Variants in PTPRD observed in about 807,000 individuals in gnomAD.
PTPRD encodes the protein protein tyrosine phosphatase receptor type D.
PTPRD carries 34 observed loss-of-function variants against 214.5 expected under a neutral mutation model. The ratio of observed to expected loss-of-function variants is 0.16; its 90% confidence interval spans 0.12 to 0.21. The LOEUF is 0.21. Ranked by LOEUF, PTPRD falls within the 10% of genes least tolerant of loss-of-function variation. The pLI is 1.00. For synonymous variants in PTPRD, 1,128 were observed against 845.7 expected (o/e 1.33, Z -5.79); for missense variants, 2,545 against 2,398.7 (o/e 1.06, Z -1.27).
intron 10 of PTPRD, among the ~76,000 whole-genome samples, chr9:9,158,171 G>C (rs2099882974): frequency 6.6e-6 from 1 of 152,126 alleles, no homozygotes; most frequent in African/African-American, 2.4e-5. Context: ...TAGTGCTGCA[G>C]TGAACATACA....
chr9:9,403,810 T>A (rs888311471), intron 8 of PTPRD, among the ~76,000 whole-genome samples: 4 of 152,106 alleles, frequency 2.6e-5, no homozygotes, highest in Admixed American at 2.6e-4. Context: ...CTACTTACAT[T>A]ATTGTGGCAT....
At chr9:9,631,020 A>G (rs2154359452) in intron 7 of PTPRD, among the ~76,000 whole-genome samples, 2 of 152,224 alleles carry the variant, frequency 1.3e-5, no homozygotes, top group Admixed American at 1.3e-4. Context: ...GCAGTCAACT[A>G]TAAAGAGGTA....
chr9:9,280,496 G>T (rs1394654430), intron 9 of PTPRD, among the ~76,000 whole-genome samples: 1 of 151,138 alleles, frequency 6.6e-6, no homozygotes, highest in African/African-American at 2.4e-5. Context: ...TGAAAAAGTG[G>T]AATTTGAGAT....
intron 7 of PTPRD, among the ~76,000 whole-genome samples, chr9:9,722,820 C>A (rs1478576845): frequency 2.6e-5 from 4 of 152,024 alleles, no homozygotes; most frequent in Admixed American, 6.6e-5. Context: ...TAGTGATTTT[C>A]ATATGCTTTT....
chr9:9,769,513 A>G (rs1309452952), intron 5 of PTPRD, among the ~76,000 whole-genome samples: 1 of 151,654 alleles, frequency 6.6e-6, no homozygotes, highest in Non-Finnish European at 1.5e-5. Flanking sequence ...TTTTTAGTAG[A>G]GACGAGGTTT....
intron 7 of PTPRD, among the ~76,000 whole-genome samples, chr9:9,658,692 G>C (rs866188455): frequency 2.0e-5 from 3 of 152,160 alleles, no homozygotes; most frequent in Admixed American, 2.0e-4. Flanking sequence ...GAGTCATTAA[G>C]TAGCTTAAGA....
chr9:9,961,126 C>CT (rs2094334482), intron 4 of PTPRD, among the ~76,000 whole-genome samples: 3 of 152,092 alleles, frequency 2.0e-5, no homozygotes. Flanking sequence ...AAATGAATTA[C>CT]TGATATCACT....
chr9:8,920,949 G>C (rs1463967682), intron 11 of PTPRD, among the ~76,000 whole-genome samples: 1 of 152,162 alleles, frequency 6.6e-6, no homozygotes, highest in Non-Finnish European at 1.5e-5. Context: ...GCGTAGCTGG[G>C]ATTACAGACG....
chr9:8,881,468 A>C (rs2098445368), intron 11 of PTPRD, among the ~76,000 whole-genome samples: 1 of 152,214 alleles, frequency 6.6e-6, no homozygotes. Flanking sequence ...GATTTCTGTA[A>C]ATAATTACAA....
intron 12 of PTPRD, among the ~76,000 whole-genome samples, chr9:8,683,425 A>G (rs1463286106): frequency 6.6e-6 from 1 of 151,432 alleles, no homozygotes; most frequent in African/African-American, 2.4e-5. Flanking sequence ...TGAGAGAGAG[A>G]GAAAAGGAAA....
At chr9:9,595,652 A>C (rs145877324) in intron 7 of PTPRD, among the ~76,000 whole-genome samples, 1 of 151,820 alleles carries the variant, frequency 6.6e-6, no homozygotes, top group African/African-American at 2.4e-5. Context: ...CGCAACCTCA[A>C]TGAGATTGCA....
In PTPRD at chr9:10,449,192, G is replaced by A. The variant is rs926475347; in HGVS notation, c.-599-108175C>T. ...GTGCCTGGGATTGCGGGCGGGTGCC[G>A]CCACGCCTGACTGGTTTTTGTATTT... is the stretch of plus-strand genomic sequence containing the variant. On this transcript the variant is annotated intron_variant, in intron 2 of 45. Coordinates refer to ENST00000381196, the MANE Select transcript of PTPRD (RefSeq NM_002839.4). 1.2e-4 allele frequency among the ~76,000 whole-genome samples: 18 copies of A among 152,024 alleles called. No homozygotes were observed. The East Asian group carries it at 1.7e-3, about 15-fold the overall frequency.
chr9:9,780,692 A>G (rs2098836335), intron 5 of PTPRD, among the ~76,000 whole-genome samples: 1 of 152,208 alleles, frequency 6.6e-6, no homozygotes, highest in Non-Finnish European at 1.5e-5. Flanking sequence ...TATTTATCAG[A>G]ATGATTAGAA....
chr9:9,473,936 T>C (rs1576798), intron 8 of PTPRD, among the ~76,000 whole-genome samples: 89,683 of 151,524 alleles, frequency 0.59, 27,096 homozygotes, highest in East Asian at 0.69. Context: ...CTTTACTACA[T>C]TGTTTTGCTT....
chr9:9,845,484 G>A (rs756069235), intron 5 of PTPRD, among the ~76,000 whole-genome samples: 7 of 151,710 alleles, frequency 4.6e-5, no homozygotes, highest in Non-Finnish European at 7.4e-5. Context: ...ATATACGTGT[G>A]TGTGTTTGAG....
chr9:9,199,870 A>C (rs1215851421), intron 9 of PTPRD, among the ~76,000 whole-genome samples: 2 of 152,142 alleles, frequency 1.3e-5, no homozygotes, highest in Non-Finnish European at 2.9e-5. Flanking sequence ...TGATTACTGG[A>C]CTTGGCATTA....
intron 8 of PTPRD, among the ~76,000 whole-genome samples, chr9:9,432,327 T>G (rs1186941137): frequency 6.6e-6 from 1 of 152,074 alleles, no homozygotes; most frequent in Non-Finnish European, 1.5e-5. Flanking sequence ...TGGCAGACTG[T>G]TGGGCCACTT....
At chr9:9,060,913 T>C (rs1249698616) in intron 10 of PTPRD, among the ~76,000 whole-genome samples, 1 of 152,044 alleles carries the variant, frequency 6.6e-6, no homozygotes, top group African/African-American at 2.4e-5. Context: ...CAGCAATAAA[T>C]TTTTTTTAAA....
At chr9:10,082,541 G>A (rs545239704) in intron 3 of PTPRD, among the ~76,000 whole-genome samples, 1 of 151,990 alleles carries the variant, frequency 6.6e-6, no homozygotes, top group Non-Finnish European at 1.5e-5. Flanking sequence ...TTACAAGACA[G>A]AAAAAGAAAG....
Sources: allele counts gnomAD v4.1 joint callset (sites outside exome capture counted in the v4.1 genomes callset), GRCh38; gene constraint gnomAD v4.1.1; transcripts MANE v1.5; gene names NCBI Gene and HGNC (gene_info 2026-07-23, HGNC 2026-07-21).